Variants in PTTG1IP2 observed in about 807,000 individuals in gnomAD.
PTTG1IP2 encodes PTTG1IP family member 2.
intron 6 of PTTG1IP2, among the ~76,000 whole-genome samples, chr7:90,499,129 G>A (rs1432001148): frequency 1.3e-5 from 2 of 152,172 alleles, no homozygotes; most frequent in Non-Finnish European, 2.9e-5. Flanking sequence ...TGGAATTACA[G>A]GCATGAGCCA....
chr7:90,483,120 A>G lies in PTTG1IP2; in HGVS notation c.192+3846A>G, dbSNP rs545165748. On this transcript the variant is annotated intron_variant, in intron 2 of 6. Transcript: ENST00000509356. ...GGATCCGAATCTGGATATGGCAGTCAACATGTGGATATCACCTGTTGGGAG... is the reference window on the plus strand; with the variant it reads ...GGATCCGAATCTGGATATGGCAGTCGACATGTGGATATCACCTGTTGGGAG... 1.1e-4 allele frequency among the ~76,000 whole-genome samples: 17 copies of G among 152,270 alleles called. 1 individual carries two copies. In the South Asian group the frequency reaches 2.7e-3, roughly 24 times the overall value.
intron 1 of PTTG1IP2, among the ~76,000 whole-genome samples, chr7:90,475,045 C>T (rs996368522): frequency 1.3e-5 from 2 of 152,182 alleles, no homozygotes; most frequent in African/African-American, 4.8e-5. Context: ...CAGCCAACAG[C>T]AGGAACGTCA....
At chr7:90,511,199 C>A (rs1742562067) in intron 6 of PTTG1IP2, among the ~76,000 whole-genome samples, 1 of 152,080 alleles carries the variant, frequency 6.6e-6, no homozygotes, top group Non-Finnish European at 1.5e-5. Flanking sequence ...ACTTTCATAA[C>A]CCCTCTTAGG....
At chr7:90,496,223 T>A (rs1049089082) in intron 6 of PTTG1IP2, among the ~76,000 whole-genome samples, 6 of 152,162 alleles carry the variant, frequency 3.9e-5, no homozygotes, top group Admixed American at 1.3e-4. Context: ...TGAGAAGGAT[T>A]GGTATTAGTT....
intron 2 of PTTG1IP2, among the ~76,000 whole-genome samples, chr7:90,484,780 C>A (rs1412280992): frequency 3.3e-5 from 5 of 152,158 alleles, no homozygotes; most frequent in Non-Finnish European, 7.4e-5. Flanking sequence ...TGTGGCCTTG[C>A]CTTCTTGCAC....
intron 6 of PTTG1IP2, among the ~76,000 whole-genome samples, chr7:90,504,933 C>T (rs191975634): frequency 1.8e-4 from 27 of 152,214 alleles, no homozygotes; most frequent in Admixed American, 5.2e-4. Context: ...GTAGAAACAA[C>T]GATTAATCCA....
chr7:90,500,440 G>A lies in PTTG1IP2; in HGVS notation c.*50+6010G>A, dbSNP rs865905385. On this transcript the variant is annotated intron_variant, in intron 6 of 6. Transcript: ENST00000509356. ...AAGAGCTAGAAAGACTGGGTTTGGG[G>A]GAGAATGGGATGAGAGAAAGAGTTT... Among the ~76,000 whole-genome samples the A allele has an allele frequency of 5.3e-5, 8 of 152,288 alleles. No homozygotes were observed. In the South Asian group the frequency reaches 1.7e-3, roughly 32 times the overall value.
rs1045823774 is a variant in PTTG1IP2, at chr7:90,492,288, A to C, written c.430A>C (p.Ile144Leu). The C allele has an allele frequency of 6.6e-6, 1 of 152,226 alleles. No homozygotes were observed. Among genetic ancestry groups the C allele is most frequent in the African/African-American group, 2.4e-5 (1 of 41,450 alleles). The allele number at this position is 152,226 out of a possible 1,614,324, so 9.4% of individuals were successfully genotyped here. Reference protein sequence around the residue: ...YFYGRRETVPIHDRSATVYDE With the variant: ...YFYGRRETVPLHDRSATVYDE Reference sequence around the variant, plus strand: ...TTATGGAAGACGAGAAACAGTTCCTATTCACGACCGCAGTGCTACTGGCAA... The same window carrying C: ...TTATGGAAGACGAGAAACAGTTCCTCTTCACGACCGCAGTGCTACTGGCAA... Residue 144 changes from isoleucine to leucine, a missense_variant, in exon 5 of 7, where the codon ATT (isoleucine) becomes CTT (leucine). By Grantham distance (5) the Ile-to-Leu change is conservative (BLOSUM62 2). Coordinates refer to ENST00000509356, the MANE Select transcript of PTTG1IP2 (RefSeq NM_001365443.2).
At position 90,484,834 on chromosome 7, in the gene PTTG1IP2, A is replaced by G. The variant is rs184769741; in HGVS notation, c.193-2493A>G. 1.9e-3 allele frequency among the ~76,000 whole-genome samples: 288 copies of G among 152,248 alleles called. 2 individuals are homozygous for G. The highest frequency in any genetic ancestry group is 5.7e-4 in the Non-Finnish European group (39 of 68,008). On this transcript the variant is annotated intron_variant, in intron 2 of 6. Coordinates refer to ENST00000509356, the MANE Select transcript of PTTG1IP2 (RefSeq NM_001365443.2). ...CTTTCTCATTTTCCTCTTTTCTTTC[A>G]TCTCTCAGCTCTGCCTCCCTCTGGG...
In PTTG1IP2 at chr7:90,478,112, A is replaced by AG. The variant is rs1431537579; in HGVS notation, c.146-1116_146-1115insG. Among the ~76,000 whole-genome samples, 6 of 151,386 alleles carry AG rather than the reference A, an allele frequency of 4.0e-5. No homozygotes were observed. The East Asian group carries it at 1.2e-3, about 30-fold the overall frequency. Reference sequence around the variant, plus strand: ...ACTCCGTCTCAAAAAAAAAAAAAAAAAAAAGAAAAAGAAAAAATTGGAAAA... The same window carrying AG: ...ACTCCGTCTCAAAAAAAAAAAAAAAAGAAAAGAAAAAGAAAAAATTGGAAAA... On this transcript the variant is annotated intron_variant, in intron 1 of 6. Transcript: ENST00000509356.
At chr7:90,471,767 C>T (rs11266823) in intron 1 of PTTG1IP2, among the ~76,000 whole-genome samples, 29,759 of 151,920 alleles carry the variant, frequency 0.2, 3,555 homozygotes, top group East Asian at 0.55. Context: ...TTTCTTATTC[C>T]GAAGATGAGA....
chr7:90,485,740 G>A (rs532734568), intron 2 of PTTG1IP2, among the ~76,000 whole-genome samples: 17 of 152,294 alleles, frequency 1.1e-4, no homozygotes, highest in African/African-American at 4.1e-4. Context: ...GAGCTCGCCT[G>A]TGGTGGACTT....
rs547671919 is a variant in PTTG1IP2 at position 90,487,216 on chromosome 7, A to T, written c.193-111A>T. The T allele has an allele frequency of 5.9e-5, 9 of 152,714 alleles. No individual in the cohort carries two copies. In the East Asian group the frequency reaches 1.5e-3, roughly 26 times the overall value. 9.5% of individuals were successfully genotyped at this position (152,714 alleles called of 1,614,324 possible). On this transcript the variant is annotated intron_variant, in intron 2 of 6. Transcript: ENST00000509356. ...CCAAAGGCATCTACTACAAATAATAATAATAATGGTTATTATTTATTGAAT... is the reference window on the plus strand; with the variant it reads ...CCAAAGGCATCTACTACAAATAATATTAATAATGGTTATTATTTATTGAAT...
In PTTG1IP2 at chr7:90,496,539, A is replaced by G. The variant is rs138596481; in HGVS notation, c.*50+2109A>G. Among the ~76,000 whole-genome samples the G allele has an allele frequency of 1.1e-3, 174 of 152,112 alleles. 1 individual carries two copies. The highest frequency in any genetic ancestry group is 3.7e-3 in the African/African-American group (154 of 41,532). ...AAGTCTCTCTCTTTTTTTGTAGTCT[A>G]TCTAAAGGGCTGACCATTTTGTTTA... On this transcript the variant is annotated intron_variant, in intron 6 of 6. Coordinates refer to ENST00000509356, the MANE Select transcript of PTTG1IP2 (RefSeq NM_001365443.2).
intron 1 of PTTG1IP2, among the ~76,000 whole-genome samples, chr7:90,477,469 T>C (rs2116051595): frequency 6.6e-6 from 1 of 152,336 alleles, no homozygotes; most frequent in South Asian, 2.1e-4. Context: ...GAACTTCCTC[T>C]CTTCGCTCTT....
At chr7:90,505,990 C>CAAAAAAAAAAAAAAAAAAAAAAAAAA in intron 6 of PTTG1IP2, among the ~76,000 whole-genome samples, 1 of 77,318 alleles carries the variant, frequency 1.3e-5, no homozygotes, top group Non-Finnish European at 2.4e-5. Flanking sequence ...GACTCCGTCT[C>CAAAAAAAAAAAAAAAAAAAAAAAAAA]AAAAAAAAAA....
chr7:90,503,018 A>G (rs1246915051), intron 6 of PTTG1IP2, among the ~76,000 whole-genome samples: 3 of 152,176 alleles, frequency 2.0e-5, no homozygotes, highest in Non-Finnish European at 4.4e-5. Context: ...TGCTTTGTTT[A>G]TATTGAGAAT....
At position 90,512,421 on chromosome 7, in the gene PTTG1IP2, T is replaced by G. The variant is rs577645505; in HGVS notation, c.*51-857T>G. Among the ~76,000 whole-genome samples, 5 of 151,788 alleles carry G rather than the reference T, an allele frequency of 3.3e-5. No individual in the cohort carries two copies. The South Asian group carries it at 1.0e-3, about 32-fold the overall frequency. ...AGTAGGGTTTCAGCAAAGACAAAAA[T>G]AGAATAAGGAGTCAGCTAGAAGACA... On this transcript the variant is annotated intron_variant, in intron 6 of 6. Coordinates refer to ENST00000509356, the MANE Select transcript of PTTG1IP2 (RefSeq NM_001365443.2).
chr7:90,478,096 C>CAAAAAAA (rs370035849), intron 1 of PTTG1IP2, among the ~76,000 whole-genome samples: 27 of 67,296 alleles, frequency 4.0e-4, no homozygotes, highest in East Asian at 6.4e-4. Context: ...GACTCCGTCT[C>CAAAAAAA]AAAAAAAAAA....
Sources: gnomAD v4.1 joint callset for allele counts (sites outside exome capture counted in the v4.1 genomes callset) on GRCh38, gnomAD v4.1.1 for gene constraint, MANE v1.5 for transcripts, NCBI Gene and HGNC (gene_info 2026-07-23, HGNC 2026-07-21) for gene names.